The following KIAA0319 variants were observed in gnomAD, a reference collection of about 807,000 sequenced individuals.
KIAA0319 encodes the protein dyslexia-associated protein KIAA0319.
In KIAA0319, 83 loss-of-function variants were observed where a neutral mutation model predicts 108.4. The observed-to-expected ratio is 0.77, with a 90% CI of 0.64 to 0.92. The LOEUF (loss-of-function observed/expected upper bound fraction) is 0.92. KIAA0319 is among the 40% of genes least tolerant of loss of function. KIAA0319 has a pLI of 0.00. For missense variants in KIAA0319, 1,195 were observed against 1,322.4 expected, an observed-to-expected ratio of 0.90 and a Z score of 1.49; for synonymous variants, 484 against 510.4, an observed-to-expected ratio of 0.95 and a Z score of 0.70.
At chr6:24,621,795 T>C (rs926827671) in intron 1 of KIAA0319, among the ~76,000 whole-genome samples, 3 of 152,190 alleles carry the variant, frequency 2.0e-5, no homozygotes, top group African/African-American at 7.2e-5. Flanking sequence ...AGGAAACTCA[T>C]TTCCTAGAAA....
At chr6:24,558,374 T>TAGATAGAC (rs1762608930) in intron 17 of KIAA0319, among the ~76,000 whole-genome samples, 1 of 46,248 alleles carries the variant, frequency 2.2e-5, no homozygotes, top group Admixed American at 1.7e-4. Flanking sequence ...TCTAGATAGA[T>TAGATAGAC]AGATAGATAG....
At chr6:24,567,912 C>T (rs187217221) in intron 13 of KIAA0319, among the ~76,000 whole-genome samples, 163 of 152,266 alleles carry the variant, frequency 1.1e-3, no homozygotes, top group Non-Finnish European at 1.8e-3. Flanking sequence ...CCAATTTCCC[C>T]TTAGAAACAA....
chr6:24,557,748 C>T (rs1762503425), intron 17 of KIAA0319, among the ~76,000 whole-genome samples: 1 of 151,742 alleles, frequency 6.6e-6, no homozygotes, highest in Admixed American at 6.6e-5. Flanking sequence ...GATTGGGGAA[C>T]ATAATCATAA....
chr6:24,547,613 T>A (rs996744792), intron 20 of KIAA0319, among the ~76,000 whole-genome samples: 1 of 152,160 alleles, frequency 6.6e-6, no homozygotes, highest in Non-Finnish European at 1.5e-5. Context: ...AGTCTCCTCC[T>A]CTATTCAACT....
chr6:24,617,531 G>C (rs370138307), intron 1 of KIAA0319, among the ~76,000 whole-genome samples: 1 of 151,348 alleles, frequency 6.6e-6, no homozygotes, highest in Admixed American at 6.8e-5. Context: ...AAAGCAGAGC[G>C]GAAAGCTGAT....
intron 1 of KIAA0319, among the ~76,000 whole-genome samples, chr6:24,636,563 C>T (rs1776227497): frequency 6.6e-6 from 1 of 152,066 alleles, no homozygotes; most frequent in South Asian, 2.1e-4. Flanking sequence ...GAACAAACAT[C>T]AAATTTATGA....
At chr6:24,567,916 G>A (rs934203566) in intron 13 of KIAA0319, among the ~76,000 whole-genome samples, 1 of 152,118 alleles carries the variant, frequency 6.6e-6, no homozygotes, top group Admixed American at 6.6e-5. Context: ...TTTCCCCTTA[G>A]AAACAAGTCA....
chr6:24,576,879 T>C (rs1286020938), intron 9 of KIAA0319, among the ~76,000 whole-genome samples: 1 of 151,804 alleles, frequency 6.6e-6, no homozygotes, highest in Non-Finnish European at 1.5e-5. Context: ...GAGCCGATAT[T>C]GCTCCACTGC....
intron 1 of KIAA0319, among the ~76,000 whole-genome samples, chr6:24,618,815 A>T (rs942997695): frequency 6.6e-6 from 1 of 152,178 alleles, no homozygotes; most frequent in Non-Finnish European, 1.5e-5. Flanking sequence ...AGAAAAAAAA[A>T]GATCCTGGCA....
In KIAA0319 at chr6:24,566,728, C is replaced by G. The variant is rs770907752; in HGVS notation, c.2161G>C (p.Ala721Pro). 1.2e-6 allele frequency: 2 copies of G among 1,610,104 alleles called. No homozygotes were observed. Among genetic ancestry groups the G allele is most frequent in the Non-Finnish European group, 1.7e-6 (2 of 1,178,800 alleles). ...VKKENNSPPR[A>P]RAGGRHVLVL... Reference sequence around the variant, plus strand: ...AGAACATGTCTGCCACCAGCCCGGGCTCTGGGAGGACTATTATTTTCTAAG... The same window carrying G: ...AGAACATGTCTGCCACCAGCCCGGGGTCTGGGAGGACTATTATTTTCTAAG... Residue 721 changes from alanine to proline, a missense_variant, in exon 14 of 21, where the codon GCC becomes CCC. Transcript: ENST00000378214.
At chr6:24,581,521 A>G (rs1249424241) in intron 6 of KIAA0319, among the ~76,000 whole-genome samples, 2 of 152,154 alleles carry the variant, frequency 1.3e-5, no homozygotes, top group East Asian at 3.9e-4. Context: ...GAAAGAGGGC[A>G]TGTTTCTTGT....
intron 1 of KIAA0319, among the ~76,000 whole-genome samples, chr6:24,611,468 T>C (rs1772305370): frequency 6.6e-6 from 1 of 152,022 alleles, no homozygotes. Context: ...CACTGCACTC[T>C]AGCCCGGGCG....
intron 1 of KIAA0319, among the ~76,000 whole-genome samples, chr6:24,639,159 T>C (rs1193720386): frequency 6.6e-6 from 1 of 152,222 alleles, no homozygotes; most frequent in African/African-American, 2.4e-5. Context: ...AAAAAATCCT[T>C]ATATCCAGAG....
intron 11 of KIAA0319, 125 bp from the exon 12 acceptor site, chr6:24,570,160 C>G: frequency 1.1e-6 from 1 of 879,782 alleles, no homozygotes; most frequent in African/African-American, 1.7e-5. Context: ...ATGCAGCATC[C>G]TTTGGAATCC....
chr6:24,596,496 C>G lies in KIAA0319; in HGVS notation c.178G>C (p.Ala60Pro). 1.2e-6 allele frequency: 2 copies of G among 1,614,100 alleles called. No individual in the cohort carries two copies. Among genetic ancestry groups the G allele is most frequent in the Non-Finnish European group, 1.7e-6 (2 of 1,180,040 alleles). The change falls in exon 3 of 21, where the codon GCT (alanine) becomes CCT (proline). Residue 60 changes from alanine (A) to proline (P), a missense_variant. Transcript: ENST00000378214. ...HTFPVVDCTA[A>P]CCDLSSCDLA... ...TCACAGCTGGACAGGTCACAGCAAG[C>G]GGCCGTGCAGTCTACGACAGGGAAG...
downstream of KIAA0319, among the ~76,000 whole-genome samples, chr6:24,542,405 C>T (rs1158552100): frequency 6.6e-6 from 1 of 152,054 alleles, no homozygotes; most frequent in African/African-American, 2.4e-5. Context: ...AAGATAAATC[C>T]CCATTGGTTA....
At chr6:24,577,800 G>T (rs1411573424) in intron 9 of KIAA0319, among the ~76,000 whole-genome samples, 1 of 152,128 alleles carries the variant, frequency 6.6e-6, no homozygotes, top group Non-Finnish European at 1.5e-5. Context: ...GGGCCCGTTA[G>T]GAAATTTCTT....
At chr6:24,540,220 ACTT>A (rs1760153041), downstream of KIAA0319, among the ~76,000 whole-genome samples, 1 of 81,582 alleles carries the variant, frequency 1.2e-5, no homozygotes, top group South Asian at 3.4e-4. Context: ...TAGCATAGTC[ACTT>A]ATTATATACT....
rs192211134 is a variant in KIAA0319, at chr6:24,550,658, A to G, written c.3040+776T>C. Among the ~76,000 whole-genome samples the G allele has an allele frequency of 1.5e-3, 223 of 152,348 alleles. 1 individual carries two copies. The highest frequency in any genetic ancestry group is 1.3e-3 in the Admixed American group (20 of 15,304). On this transcript the variant is annotated intron_variant, in intron 20 of 20. Transcript: ENST00000378214. ...CAGCTGCTGAAAAATGTTAGGCTTT[A>G]AAGTCCAAATGTCCTCTTGCTGCAT...
Sources: gnomAD v4.1 joint callset for allele counts (sites outside exome capture counted in the v4.1 genomes callset) on GRCh38, gnomAD v4.1.1 for gene constraint, MANE v1.5 for transcripts, NCBI Gene and HGNC (gene_info 2026-07-23, HGNC 2026-07-21) for gene names.